SLC5A12: variants seen among roughly 807,000 people sequenced by gnomAD.
The protein encoded by SLC5A12 is sodium-coupled monocarboxylate transporter 2.
SLC5A12 carries 46 observed loss-of-function variants against 72.7 expected under a neutral mutation model. The ratio of observed to expected loss-of-function variants is 0.63; its 90% CI spans 0.50 to 0.81. The LOEUF (loss-of-function observed/expected upper bound fraction) is 0.81, where lower values mean the gene tolerates loss of function less well. Among genes scored for constraint, SLC5A12 ranks in the 30% least tolerant of loss-of-function variants. SLC5A12 has a pLI of 0.00. For synonymous variants in SLC5A12, 275 were observed against 264.4 expected, an observed-to-expected ratio of 1.04 and a Z score of -0.39; for missense variants, 683 against 740.7, an observed-to-expected ratio of 0.92 and a Z score of 0.90.
rs1350808396 is a variant in SLC5A12 at position 26,667,148 on chromosome 11, G to C, written c.*3954C>G. The C allele has an allele frequency of 1.3e-5, 2 of 151,864 alleles. No homozygotes were observed. Among genetic ancestry groups the C allele is most frequent in the Non-Finnish European group, 2.9e-5 (2 of 67,848 alleles). The allele number at this position is 151,864 out of a possible 1,614,324, so 9.4% of individuals were successfully genotyped here. On this transcript the variant is annotated 3_prime_UTR_variant, in exon 15 of 15. Transcript: ENST00000396005. ...TTATACTACAAGATTATAAATGCTA[G>C]ATAAAAGCAGTTAACTCTATAGTAA...
At chr11:26,684,788 A>G (rs1854490948) in intron 10 of SLC5A12, among the ~76,000 whole-genome samples, 1 of 152,176 alleles carries the variant, frequency 6.6e-6, no homozygotes, top group Non-Finnish European at 1.5e-5. Flanking sequence ...CTGGAAGAAA[A>G]CAATTTAGTG....
intron 2 of SLC5A12, 89 bp from the exon 3 acceptor site, chr11:26,711,447 G>T: frequency 1.0e-6 from 1 of 967,026 alleles, no homozygotes; most frequent in Non-Finnish European, 1.6e-6. Flanking sequence ...CGTTAGACTT[G>T]TATTCTCTTC....
At chr11:26,674,205 T>C (rs1854211909) in intron 13 of SLC5A12, among the ~76,000 whole-genome samples, 1 of 152,150 alleles carries the variant, frequency 6.6e-6, no homozygotes, top group Non-Finnish European at 1.5e-5. Context: ...TCATAAAGAC[T>C]ATTCACTAAT....
chr11:26,716,888 A>G (rs1855362678), intron 1 of SLC5A12, among the ~76,000 whole-genome samples: 1 of 152,226 alleles, frequency 6.6e-6, no homozygotes, highest in Admixed American at 6.5e-5. Flanking sequence ...AGCTAGAGTA[A>G]TCCTCTTAAC....
intron 8 of SLC5A12, among the ~76,000 whole-genome samples, chr11:26,694,688 T>G (rs186132816): frequency 6.6e-6 from 1 of 152,196 alleles, no homozygotes; most frequent in African/African-American, 2.4e-5. Flanking sequence ...TTTGGAAATC[T>G]GTCAACATAT....
At chr11:26,697,674 G>A (rs562134098) in intron 7 of SLC5A12, among the ~76,000 whole-genome samples, 2 of 152,244 alleles carry the variant, frequency 1.3e-5, no homozygotes, top group African/African-American at 4.8e-5. Flanking sequence ...ATATCAGCAC[G>A]ATGTTTAAGT....
chr11:26,683,727 G>T (rs1338030734), intron 11 of SLC5A12, 30 bp downstream of exon 11: 7 of 1,544,400 alleles, frequency 4.5e-6, no homozygotes, highest in Non-Finnish European at 6.2e-6. Context: ...TTTTGACTGG[G>T]AATTGTGAAG....
chr11:26,717,540 A>G (rs912014826), intron 1 of SLC5A12, among the ~76,000 whole-genome samples: 4 of 152,218 alleles, frequency 2.6e-5, no homozygotes, highest in African/African-American at 9.6e-5. Context: ...AGAATTCCCT[A>G]TACATTGACT....
rs1410185386 is a variant in SLC5A12 at position 26,668,201 on chromosome 11, A to C, written c.*2901T>G. 6.6e-6 allele frequency: 1 copy of C among 152,064 alleles called. No individual in the cohort carries two copies. The highest frequency in any genetic ancestry group is 1.5e-5 in the Non-Finnish European group (1 of 67,992). The allele number at this position is 152,064 out of a possible 1,614,324, so 9.4% of individuals were successfully genotyped here. ...CATAAGCTGTTGTAGTTCTTATTCC[A>C]AATGGTGACAAAAAATGTCTGTCAT... On this transcript the variant is annotated 3_prime_UTR_variant, in exon 15 of 15. Coordinates refer to ENST00000396005, the MANE Select transcript of SLC5A12 (RefSeq NM_178498.4).
At chr11:26,680,162 CT>C (rs1039806664) in intron 12 of SLC5A12, among the ~76,000 whole-genome samples, 7 of 151,072 alleles carry the variant, frequency 4.6e-5, no homozygotes, top group African/African-American at 1.5e-4. Flanking sequence ...AAAAGGGCTA[CT>C]AAAAATGAAG....
At position 26,709,392 on chromosome 11, in the gene SLC5A12, A is replaced by C. The variant is rs778756872; in HGVS notation, c.458-13T>G. 13 of 1,595,632 alleles carry C rather than the reference A, an allele frequency of 8.1e-6. No homozygotes were observed. The highest frequency in any genetic ancestry group is 1.1e-5 in the Non-Finnish European group (13 of 1,169,770). ...TCAAACCCAGTCACTAGGAAAGAAG[A>C]AAAAAATATTAAAAGAAGTTTCCTT... On this transcript the variant is annotated splice_polypyrimidine_tract_variant and intron_variant, in intron 3 of 14. Coordinates refer to ENST00000396005, the MANE Select transcript of SLC5A12 (RefSeq NM_178498.4).
intron 13 of SLC5A12, among the ~76,000 whole-genome samples, chr11:26,677,768 T>C (rs752617662): frequency 6.6e-6 from 1 of 152,172 alleles, no homozygotes; most frequent in South Asian, 2.1e-4. Flanking sequence ...ATAACATCTC[T>C]AGTACACAGT....
At chr11:26,681,357 T>C (rs1565186466) in intron 11 of SLC5A12, 136 bp from the exon 12 acceptor site, 1 of 630,988 alleles carries the variant, frequency 1.6e-6, no homozygotes, top group Non-Finnish European at 2.5e-6. Flanking sequence ...AGAAACACTC[T>C]GCTCAAACTG....
chr11:26,696,039 G>A (rs151229389), intron 8 of SLC5A12, among the ~76,000 whole-genome samples: 3 of 152,134 alleles, frequency 2.0e-5, no homozygotes, highest in Non-Finnish European at 4.4e-5. Context: ...TCAGAAAGGA[G>A]TTCCTTAAAG....
chr11:26,721,108 C>T (rs536818519), intron 1 of SLC5A12, among the ~76,000 whole-genome samples: 1 of 152,224 alleles, frequency 6.6e-6, no homozygotes, highest in East Asian at 1.9e-4. Flanking sequence ...AAACCTCCTA[C>T]AAATGAGGCC....
chr11:26,682,766 AT>A (rs1449935333), intron 11 of SLC5A12, among the ~76,000 whole-genome samples: 1 of 152,248 alleles, frequency 6.6e-6, no homozygotes, highest in South Asian at 2.1e-4. Flanking sequence ...GTTAGCTCAT[AT>A]TTTTTGTGGC....
At position 26,720,803 on chromosome 11, in the gene SLC5A12, T is replaced by C. The variant is rs200242799; in HGVS notation, c.339+573A>G. On this transcript the variant is annotated intron_variant, in intron 1 of 14. Transcript: ENST00000396005. ...TATTTGTATTATTTAGCAATTCCTT[T>C]CGTTAAAATGTTTTGTACTTTTCAA... Among the ~76,000 whole-genome samples, 918 of 47,090 alleles carry C rather than the reference T, an allele frequency of 0.019. 12 individuals are homozygous for C. In the Middle Eastern group the frequency reaches 0.2, roughly 10 times the overall value. The allele number at this position is 47,090 out of a possible 152,430, so 30.9% of individuals were successfully genotyped here.
At chr11:26,711,263 G>A in intron 3 of SLC5A12, 44 bp downstream of exon 3, 1 of 1,513,590 alleles carries the variant, frequency 6.6e-7, no homozygotes, top group Non-Finnish European at 9.2e-7. Context: ...GAGAATTCAG[G>A]CATAAAAATG....
At chr11:26,702,207 C>A (rs1854974036) in intron 6 of SLC5A12, among the ~76,000 whole-genome samples, 1 of 152,052 alleles carries the variant, frequency 6.6e-6, no homozygotes, top group Admixed American at 6.6e-5. Context: ...GGGTTTGTTA[C>A]AATATTATTT....
Sources: allele counts gnomAD v4.1 joint callset (sites outside exome capture counted in the v4.1 genomes callset), GRCh38; gene constraint gnomAD v4.1.1; transcripts MANE v1.5; gene names NCBI Gene and HGNC (gene_info 2026-07-23, HGNC 2026-07-21).